Variants in FOXP1 observed in about 807,000 individuals in gnomAD.
The protein encoded by FOXP1 is forkhead box P1.
FOXP1 carries 15 observed loss-of-function variants against 98.2 expected under a neutral mutation model. The observed-to-expected ratio is 0.15, with a 90% CI of 0.10 to 0.24. The LOEUF (loss-of-function observed/expected upper bound fraction) is 0.24. Among genes scored for constraint, FOXP1 ranks in the 10% least tolerant of loss-of-function variants. The pLI, the probability that FOXP1 is intolerant of heterozygous loss-of-function variation, is 1.00. For synonymous variants in FOXP1, 371 were observed against 314.5 expected (o/e 1.18, Z -1.90); for missense variants, 633 against 848.5 (o/e 0.75, Z 3.15).
At position 71,102,594 on chromosome 3, in the gene FOXP1, G is replaced by A. The variant is rs186917016; in HGVS notation, c.282+9942C>T. On this transcript the variant is annotated intron_variant, in intron 7 of 20. Transcript: ENST00000649528. Reference sequence around the variant, plus strand: ...TGTCTGCAGGCTTTGAGTAATACCCGTCTTTCTTCTCTTTCCCAAGCGTCA... The same window carrying A: ...TGTCTGCAGGCTTTGAGTAATACCCATCTTTCTTCTCTTTCCCAAGCGTCA... 4.6e-5 allele frequency among the ~76,000 whole-genome samples: 7 copies of A among 152,266 alleles called. No individual in the cohort carries two copies. In the East Asian group the frequency reaches 5.8e-4, roughly 13 times the overall value.
chr3:70,977,841 C>A lies in FOXP1; in HGVS notation c.1335G>T (p.Val445=). Residue 445 remains valine, a synonymous_variant, in exon 15 of 21, where the codon GTG becomes GTT. Coordinates refer to ENST00000649528, the MANE Select transcript of FOXP1 (RefSeq NM_001349338.3). ...IRRRYSDKYN[V]PISSADIAQN... is the part of the protein sequence containing the mutation. Reference sequence around the variant, plus strand: ...TGGAGTATCTACCTGACGAAATGGGCACGTTGTATTTGTCTGAGTACCGCC... The same window carrying A: ...TGGAGTATCTACCTGACGAAATGGGAACGTTGTATTTGTCTGAGTACCGCC... 1 of 1,614,168 alleles carries A rather than the reference C, an allele frequency of 6.2e-7. No homozygotes were observed. The highest frequency in any genetic ancestry group is 8.5e-7 in the Non-Finnish European group (1 of 1,180,012).
At chr3:71,310,631 G>A (rs1199866918) in intron 4 of FOXP1, among the ~76,000 whole-genome samples, 1 of 152,210 alleles carries the variant, frequency 6.6e-6, no homozygotes, top group East Asian at 1.9e-4. Context: ...CATGTTCCGG[G>A]ATGAGACTTT....
At chr3:71,366,656 A>G (rs1413497149) in intron 3 of FOXP1, among the ~76,000 whole-genome samples, 1 of 152,218 alleles carries the variant, frequency 6.6e-6, no homozygotes, top group Non-Finnish European at 1.5e-5. Context: ...AAGAAGAAAC[A>G]TTTTGCACAT....
intron 4 of FOXP1, among the ~76,000 whole-genome samples, chr3:71,328,211 C>T (rs968836893): frequency 2.6e-5 from 4 of 152,006 alleles, no homozygotes; most frequent in Non-Finnish European, 4.4e-5. Flanking sequence ...GGGCAGATGG[C>T]CAAGCCCAGG....
At chr3:71,290,786 G>C (rs1362951962) in intron 5 of FOXP1, among the ~76,000 whole-genome samples, 1 of 152,142 alleles carries the variant, frequency 6.6e-6, no homozygotes, top group South Asian at 2.1e-4. Flanking sequence ...CAAAGGAAAT[G>C]CTCACAGGAG....
chr3:71,310,325 T>C (rs749475322), intron 4 of FOXP1, among the ~76,000 whole-genome samples: 1 of 152,214 alleles, frequency 6.6e-6, no homozygotes, highest in South Asian at 2.1e-4. Context: ...GGGGATCTAA[T>C]TGCTTCCAAA....
chr3:70,980,656 C>T (rs2038674531), intron 14 of FOXP1, among the ~76,000 whole-genome samples: 1 of 152,176 alleles, frequency 6.6e-6, no homozygotes, highest in Non-Finnish European at 1.5e-5. Flanking sequence ...TTTCTGTATG[C>T]TCATTTTTGG....
chr3:71,229,967 A>C (rs2066151361), intron 5 of FOXP1, among the ~76,000 whole-genome samples: 2 of 152,072 alleles, frequency 1.3e-5, no homozygotes, highest in Non-Finnish European at 2.9e-5. Context: ...TGTCAAGCTC[A>C]GATTATCTCA....
intron 3 of FOXP1, among the ~76,000 whole-genome samples, chr3:71,411,151 C>A (rs1257954474): frequency 1.3e-5 from 2 of 152,186 alleles, no homozygotes; most frequent in African/African-American, 2.4e-5. Context: ...TTTGACATCA[C>A]ACAATATATA....
chr3:71,190,221 T>C (rs1576299512), intron 6 of FOXP1, among the ~76,000 whole-genome samples: 1 of 152,272 alleles, frequency 6.6e-6, no homozygotes, highest in East Asian at 1.9e-4. Flanking sequence ...TCTAGCTAAG[T>C]AAACTCTAAG....
chr3:71,253,495 T>C (rs2068386097), intron 5 of FOXP1, among the ~76,000 whole-genome samples: 1 of 152,212 alleles, frequency 6.6e-6, no homozygotes, highest in African/African-American at 2.4e-5. Flanking sequence ...GATACTTAGC[T>C]ACCATCATCA....
intron 3 of FOXP1, among the ~76,000 whole-genome samples, chr3:71,444,120 G>A (rs1442729216): frequency 6.6e-6 from 1 of 152,176 alleles, no homozygotes; most frequent in Non-Finnish European, 1.5e-5. Context: ...AATTGGCACT[G>A]GTTTCTGTTA....
chr3:71,388,774 C>A (rs1421648676), intron 3 of FOXP1, among the ~76,000 whole-genome samples: 1 of 152,012 alleles, frequency 6.6e-6, no homozygotes, highest in Non-Finnish European at 1.5e-5. Flanking sequence ...GTCTACAAGG[C>A]GGACAGATAA....
chr3:71,198,018 C>A, intron 6 of FOXP1, 184 bp downstream of exon 6: 2 of 1,614,262 alleles, frequency 1.2e-6, no homozygotes, highest in Non-Finnish European at 1.7e-6. Flanking sequence ...AAATTAGTCT[C>A]TTAAGCCAAC....
chr3:71,196,629 T>G (rs997406336), intron 6 of FOXP1, among the ~76,000 whole-genome samples: 2 of 152,224 alleles, frequency 1.3e-5, no homozygotes, highest in African/African-American at 4.8e-5. Flanking sequence ...GAAGATAGCA[T>G]TCAGCAACAT....
At chr3:71,547,098 A>T (rs2045423635) in intron 2 of FOXP1, among the ~76,000 whole-genome samples, 1 of 152,252 alleles carries the variant, frequency 6.6e-6, no homozygotes, top group Non-Finnish European at 1.5e-5. Flanking sequence ...TAAAACTCTT[A>T]TGAAATACAA....
chr3:71,341,357 C>T (rs542418756), intron 4 of FOXP1, among the ~76,000 whole-genome samples: 20 of 152,040 alleles, frequency 1.3e-4, no homozygotes, highest in African/African-American at 3.1e-4. Flanking sequence ...ATATAACCAA[C>T]GAATTAAAGG....
intron 12 of FOXP1, among the ~76,000 whole-genome samples, chr3:71,003,164 C>T (rs190924544): frequency 2.9e-4 from 44 of 152,308 alleles, no homozygotes; most frequent in African/African-American, 8.9e-4. Context: ...AAGTCACCCT[C>T]GCCAAACTGA....
At chr3:71,566,466 T>C (rs1300928324) in intron 2 of FOXP1, among the ~76,000 whole-genome samples, 1 of 152,176 alleles carries the variant, frequency 6.6e-6, no homozygotes, top group African/African-American at 2.4e-5. Flanking sequence ...ATAAAACCCT[T>C]GTGTAGTCTA....
Sources: gnomAD v4.1 joint callset for allele counts (sites outside exome capture counted in the v4.1 genomes callset) on GRCh38, gnomAD v4.1.1 for gene constraint, MANE v1.5 for transcripts, NCBI Gene and HGNC (gene_info 2026-07-23, HGNC 2026-07-21) for gene names.